The following ADCY2 variants were observed in gnomAD, a reference collection of about 807,000 sequenced individuals.
ADCY2 encodes adenylate cyclase type 2.
In ADCY2, 31 loss-of-function variants were observed where a neutral mutation model predicts 125.2. The observed-to-expected ratio is 0.25, with a 90% CI of 0.19 to 0.33. The LOEUF (loss-of-function observed/expected upper bound fraction) is 0.33, where lower values mean the gene tolerates loss of function less well. ADCY2 is among the 10% of genes least tolerant of loss of function. ADCY2 has a pLI of 1.00. For missense variants in ADCY2, 904 were observed against 1,418.2 expected (o/e 0.64, Z 5.82); for synonymous variants, 512 against 548.4 (o/e 0.93, Z 0.93).
intron 3 of ADCY2, among the ~76,000 whole-genome samples, chr5:7,532,277 A>G (rs1018286754): frequency 6.6e-6 from 1 of 152,186 alleles, no homozygotes; most frequent in African/African-American, 2.4e-5. Flanking sequence ...CATTAAAGAG[A>G]AAGAAAGAGA....
chr5:7,698,407 A>G, intron 7 of ADCY2, 33 bp downstream of exon 7: 3 of 1,612,412 alleles, frequency 1.9e-6, no homozygotes, highest in Non-Finnish European at 2.5e-6. Context: ...ATTTTGTTAT[A>G]TGCTTTAAGT....
intron 4 of ADCY2, among the ~76,000 whole-genome samples, chr5:7,675,481 C>T (rs1740090921): frequency 6.6e-6 from 1 of 152,204 alleles, no homozygotes; most frequent in Admixed American, 6.5e-5. Flanking sequence ...AGGGGCACTA[C>T]TGACTATGTG....
intron 2 of ADCY2, among the ~76,000 whole-genome samples, chr5:7,508,604 G>A (rs998609705): frequency 6.6e-6 from 1 of 152,112 alleles, no homozygotes; most frequent in Non-Finnish European, 1.5e-5. Flanking sequence ...TTCTGAACTG[G>A]CAAGGTGTTG....
At chr5:7,740,167 C>G (rs955961624) in intron 14 of ADCY2, among the ~76,000 whole-genome samples, 4 of 151,754 alleles carry the variant, frequency 2.6e-5, no homozygotes, top group African/African-American at 9.7e-5. Context: ...TATAGAACAG[C>G]TATTCCAGGA....
chr5:7,459,772 A>ATTTTTTTTTTTTTTTTTTTT (rs3033085), intron 2 of ADCY2, among the ~76,000 whole-genome samples: 3 of 72,818 alleles, frequency 4.1e-5, no homozygotes, highest in African/African-American at 1.2e-4. Flanking sequence ...TTAAGAGGTA[A>ATTTTTTTTTTTTTTTTTTTT]TTTTTTTTTT....
chr5:7,747,183 A>G (rs1742652046), intron 15 of ADCY2, among the ~76,000 whole-genome samples: 1 of 152,142 alleles, frequency 6.6e-6, no homozygotes, highest in South Asian at 2.1e-4. Context: ...CACATTGCCC[A>G]GGTCTCAGTT....
intron 1 of ADCY2, 114 bp from the exon 2 acceptor site, chr5:7,414,459 A>T: frequency 1.1e-6 from 1 of 892,076 alleles, no homozygotes; most frequent in Non-Finnish European, 1.7e-6. Flanking sequence ...ACAATTTCTT[A>T]AACCCAATAT....
chr5:7,577,429 G>A (rs1444945566), intron 3 of ADCY2, among the ~76,000 whole-genome samples: 14 of 152,086 alleles, frequency 9.2e-5, no homozygotes, highest in Admixed American at 9.2e-4. Flanking sequence ...TATGTATATG[G>A]GATTTTGATA....
intron 4 of ADCY2, among the ~76,000 whole-genome samples, chr5:7,666,081 G>C (rs370160493): frequency 3.3e-5 from 5 of 151,234 alleles, no homozygotes; most frequent in Non-Finnish European, 7.4e-5. Context: ...CTCGTGATCC[G>C]CCCGCCTTGG....
chr5:7,405,127 G>A (rs1739426830), intron 1 of ADCY2, among the ~76,000 whole-genome samples: 1 of 152,112 alleles, frequency 6.6e-6, no homozygotes, highest in Admixed American at 6.5e-5. Context: ...AACCTAACTT[G>A]ATGAAAGGAA....
intron 4 of ADCY2, among the ~76,000 whole-genome samples, chr5:7,637,621 C>T (rs1207490717): frequency 6.6e-6 from 1 of 151,734 alleles, no homozygotes; most frequent in Middle Eastern, 3.2e-3. Flanking sequence ...AGGCAAATAA[C>T]CTGGAAAGCA....
intron 3 of ADCY2, among the ~76,000 whole-genome samples, chr5:7,570,161 A>G (rs978800431): frequency 6.6e-6 from 1 of 151,844 alleles, no homozygotes; most frequent in Non-Finnish European, 1.5e-5. Flanking sequence ...CATAATTGGG[A>G]TTTGTTGAGG....
chr5:7,585,725 A>T (rs934882515), intron 3 of ADCY2, among the ~76,000 whole-genome samples: 1 of 152,194 alleles, frequency 6.6e-6, no homozygotes, highest in Non-Finnish European at 1.5e-5. Context: ...AGCTTTCAGG[A>T]TTTCAGCATT....
chr5:7,617,727 T>C (rs1737813734), intron 3 of ADCY2, among the ~76,000 whole-genome samples: 1 of 152,216 alleles, frequency 6.6e-6, no homozygotes, highest in Non-Finnish European at 1.5e-5. Flanking sequence ...TTACAGAACA[T>C]GGTTTTGAGG....
At position 7,670,677 on chromosome 5, in the gene ADCY2, A is replaced by C. The variant is rs142328548; in HGVS notation, c.721-20014A>C. Among the ~76,000 whole-genome samples, 420 of 152,322 alleles carry C rather than the reference A, an allele frequency of 2.8e-3. 4 individuals are homozygous for C. The highest frequency in any genetic ancestry group is 9.7e-3 in the African/African-American group (404 of 41,588). ...CAGGGGAGAGGATGGTTTTGGGATG[A>C]AACTGTTCACCCTCAGATCATCAGT... On this transcript the variant is annotated intron_variant, in intron 4 of 24. Transcript: ENST00000338316.
At chr5:7,736,745 A>G (rs964655505) in intron 14 of ADCY2, among the ~76,000 whole-genome samples, 7 of 152,166 alleles carry the variant, frequency 4.6e-5, no homozygotes, top group African/African-American at 1.4e-4. Flanking sequence ...ATTGAAATGC[A>G]TTTTAGGAAA....
chr5:7,753,811 A>T (rs1742902591), intron 15 of ADCY2, among the ~76,000 whole-genome samples: 1 of 152,066 alleles, frequency 6.6e-6, no homozygotes, highest in African/African-American at 2.4e-5. Context: ...CTGTCATTGC[A>T]ACTGTCACCT....
chr5:7,819,889 CA>C (rs1745241721), intron 23 of ADCY2, among the ~76,000 whole-genome samples: 2 of 152,176 alleles, frequency 1.3e-5, no homozygotes, highest in East Asian at 1.9e-4. Flanking sequence ...ATGTTGCCAG[CA>C]ATAATCAGTC....
chr5:7,562,112 A>G (rs1735726991), intron 3 of ADCY2, among the ~76,000 whole-genome samples: 1 of 152,066 alleles, frequency 6.6e-6, no homozygotes, highest in African/African-American at 2.4e-5. Flanking sequence ...TTAACTAATT[A>G]TTGTTGATAT....
Sources: gnomAD v4.1 joint callset for allele counts (sites outside exome capture counted in the v4.1 genomes callset) on GRCh38, gnomAD v4.1.1 for gene constraint, MANE v1.5 for transcripts, NCBI Gene and HGNC (gene_info 2026-07-23, HGNC 2026-07-21) for gene names.